AMPD3: variants seen among roughly 807,000 people sequenced by gnomAD.
AMPD3 encodes the protein AMP deaminase 3.
In AMPD3, 57 loss-of-function variants were observed where a neutral mutation model predicts 82.3. The ratio of observed to expected loss-of-function variants is 0.69; its 90% CI spans 0.56 to 0.86. The LOEUF (loss-of-function observed/expected upper bound fraction) is 0.86. Among genes scored for constraint, AMPD3 ranks in the 40% least tolerant of loss-of-function variants. The pLI, the probability that AMPD3 is intolerant of heterozygous loss-of-function variation, is 0.00. For synonymous variants in AMPD3, 381 were observed against 394.7 expected, an observed-to-expected ratio of 0.97 and a Z score of 0.41; for missense variants, 870 against 1,003.8, an observed-to-expected ratio of 0.87 and a Z score of 1.80.
chr11:10,487,792 T>G (rs1405941515), intron 6 of AMPD3, among the ~76,000 whole-genome samples: 1 of 152,130 alleles, frequency 6.6e-6, no homozygotes, highest in Admixed American at 6.5e-5. Context: ...TCAGCTCCCT[T>G]ATAAGTGAGA....
Position 10,460,700 on chromosome 11 carries a change from C to T in AMPD3, c.-5-815C>T, listed in dbSNP as rs138847656. Among the ~76,000 whole-genome samples the T allele has an allele frequency of 3.4e-3, 524 of 152,266 alleles. 2 individuals carry two copies. Among genetic ancestry groups the T allele is most frequent in the African/African-American group, 0.012 (489 of 41,526 alleles). On this transcript the variant is annotated intron_variant, in intron 1 of 14. Transcript: ENST00000396553. The stretch of plus-strand genomic sequence containing the variant: ...CTAGGATTACAGGCGTGAGCCAATG[C>T]GCCTGGCCAGAGTGTACATATTAAG...
chr11:10,492,727 G>A (rs1297571671), intron 6 of AMPD3, among the ~76,000 whole-genome samples: 1 of 152,188 alleles, frequency 6.6e-6, no homozygotes, highest in Non-Finnish European at 1.5e-5. Context: ...GAGTGATCGG[G>A]ACGGTCTGCA....
rs115056555 is a variant in AMPD3 at position 10,493,104 on chromosome 11, C to G, written c.940-245C>G. ...TTTGTTAACTGGGGAATGGCCTGATCCAATCTGCATTTTAAAAAGATTTCC... is the reference window on the plus strand; with the variant it reads ...TTTGTTAACTGGGGAATGGCCTGATGCAATCTGCATTTTAAAAAGATTTCC... On this transcript the variant is annotated intron_variant, in intron 6 of 14. Coordinates refer to ENST00000396553, the MANE Select transcript of AMPD3 (RefSeq NM_001025389.2). Among the ~76,000 whole-genome samples, 710 of 152,198 alleles carry G rather than the reference C, an allele frequency of 4.7e-3. 5 individuals are homozygous for G. Among genetic ancestry groups the G allele is most frequent in the African/African-American group, 0.016 (672 of 41,520 alleles).
intron 4 of AMPD3, chr11:10,484,455 C>G (rs542870953): frequency 1.0e-6 from 1 of 985,338 alleles, no homozygotes; most frequent in Non-Finnish European, 1.2e-6. Context: ...TTCCTGGAAT[C>G]TCTGAAGTGC....
intron 6 of AMPD3, chr11:10,488,436 A>C: frequency 5.1e-6 from 5 of 983,620 alleles, no homozygotes; most frequent in Non-Finnish European, 6.0e-6. Flanking sequence ...GAGGCACGTG[A>C]TGTGCAAATG....
intron 6 of AMPD3, chr11:10,488,458 G>C (rs1849143605): frequency 6.4e-6 from 6 of 931,182 alleles, no homozygotes; most frequent in Non-Finnish European, 7.5e-6. Context: ...CAGGAGGGAG[G>C]GATGGTATGA....
intron 5 of AMPD3, chr11:10,486,783 G>A: frequency 1.0e-6 from 1 of 985,384 alleles, no homozygotes; most frequent in Non-Finnish European, 1.2e-6. Context: ...GGAATGACAA[G>A]TGGCTGAGGA....
At chr11:10,454,417 G>T (rs118006550), upstream of AMPD3, among the ~76,000 whole-genome samples, 263 of 152,298 alleles carry the variant, frequency 1.7e-3, 2 homozygotes, top group Admixed American at 6.5e-3. Context: ...GATACCACAA[G>T]ATATTAATAG....
chr11:10,473,614 G>A (rs1408352923), intron 2 of AMPD3: 2 of 984,902 alleles, frequency 2.0e-6, no homozygotes, highest in African/African-American at 3.5e-5. Flanking sequence ...TCATCTGGCT[G>A]CATATGCGGA....
At chr11:10,451,202 C>A (rs949672609), upstream of AMPD3, among the ~76,000 whole-genome samples, 5 of 152,258 alleles carry the variant, frequency 3.3e-5, no homozygotes, top group African/African-American at 1.2e-4. Flanking sequence ...CTTGCCCTGT[C>A]CCCTGTTCCT....
At chr11:10,501,255 C>T in intron 11 of AMPD3, 1 of 985,382 alleles carries the variant, frequency 1.0e-6, no homozygotes, top group Non-Finnish European at 1.2e-6. Flanking sequence ...GCGAGGCCCA[C>T]TCTCTGCCCG....
upstream of AMPD3, among the ~76,000 whole-genome samples, chr11:10,451,536 G>T (rs1847963394): frequency 6.6e-6 from 1 of 152,248 alleles, no homozygotes; most frequent in South Asian, 2.1e-4. Context: ...TCTGCTTTCT[G>T]CCCTTGATCT....
In AMPD3 at chr11:10,495,576, G is replaced by A. The variant is rs772010345; in HGVS notation, c.1273G>A (p.Ala425Thr). 3 of 1,612,750 alleles carry A rather than the reference G, an allele frequency of 1.9e-6. No homozygotes were observed. In the East Asian group the frequency reaches 6.7e-5, roughly 36 times the overall value. ...EYFARMVKEV[A>T]RELEESKYQY... is the part of the protein sequence containing the mutation. ...CAAGCTCTTCTTGTGCCAGGAGGTT[G>A]CCCGGGAGCTGGAGGAGAGCAAGTA... Residue 425 changes from alanine to threonine, a missense_variant, in exon 9 of 15, where the codon GCC (alanine) becomes ACC (threonine). Physicochemically the swap from Ala to Thr is moderately conservative, Grantham distance 58. Transcript: ENST00000396553.
rs570049083 is a variant in AMPD3, at chr11:10,500,837, G to C, written c.1721+588G>C. On this transcript the variant is annotated intron_variant, in intron 11 of 14. Coordinates refer to ENST00000396553, the MANE Select transcript of AMPD3 (RefSeq NM_001025389.2). ...CACGTGGCCAGGAGTTAGCTGCCCAGGGCAGCAGGACACTGAGCCATTCCC... is the reference window on the plus strand; with the variant it reads ...CACGTGGCCAGGAGTTAGCTGCCCACGGCAGCAGGACACTGAGCCATTCCC... 1.2e-5 allele frequency: 12 copies of C among 985,414 alleles called. No homozygotes were observed. The South Asian group carries it at 4.2e-4, about 35-fold the overall frequency. The allele number at this position is 985,414 out of a possible 1,614,324, so 61.0% of individuals were successfully genotyped here.
At chr11:10,471,486 CAAAAG>C (rs1032874254) in intron 2 of AMPD3, among the ~76,000 whole-genome samples, 7 of 152,260 alleles carry the variant, frequency 4.6e-5, no homozygotes, top group African/African-American at 1.7e-4. Context: ...TTCTGCACAG[CAAAAG>C]AAACTACCAT....
At chr11:10,487,595 T>G (rs1258862943) in intron 6 of AMPD3, among the ~76,000 whole-genome samples, 2 of 152,210 alleles carry the variant, frequency 1.3e-5, no homozygotes, top group African/African-American at 4.8e-5. Context: ...GGTGGAAACA[T>G]TTGTCCGCAT....
intron 8 of AMPD3, chr11:10,495,285 C>T (rs1414954878): frequency 1.8e-5 from 18 of 985,316 alleles, no homozygotes; most frequent in African/African-American, 5.2e-5. Context: ...GCCTGGCTTT[C>T]GTGTCTCTGC....
At chr11:10,488,693 C>G in intron 6 of AMPD3, among the ~76,000 whole-genome samples, 1 of 152,174 alleles carries the variant, frequency 6.6e-6, no homozygotes, top group East Asian at 1.9e-4. Flanking sequence ...GGGGAAGAGT[C>G]GGGATCAGGC....
rs1004274632 is a variant in AMPD3, at chr11:10,489,828, C to T, written c.939+2464C>T. 3.3e-5 allele frequency among the ~76,000 whole-genome samples: 5 copies of T among 152,080 alleles called. 1 individual carries two copies. Among genetic ancestry groups the T allele is most frequent in the Non-Finnish European group, 7.4e-5 (5 of 67,994 alleles). ...CCCGAGTAGCTGGGATTATAGGTGCCTGGCACCACTCCTGGCTAATTTTTG... is the reference window on the plus strand; with the variant it reads ...CCCGAGTAGCTGGGATTATAGGTGCTTGGCACCACTCCTGGCTAATTTTTG... On this transcript the variant is annotated intron_variant, in intron 6 of 14. Coordinates refer to ENST00000396553, the MANE Select transcript of AMPD3 (RefSeq NM_001025389.2).
Sources: gnomAD v4.1 joint callset for allele counts (sites outside exome capture counted in the v4.1 genomes callset) on GRCh38, gnomAD v4.1.1 for gene constraint, MANE v1.5 for transcripts, NCBI Gene and HGNC (gene_info 2026-07-23, HGNC 2026-07-21) for gene names.